FREM1: variants seen among roughly 807,000 people sequenced by gnomAD.
The protein encoded by FREM1 is FRAS1 related extracellular matrix 1.
In FREM1, 220 loss-of-function variants were observed where a neutral mutation model predicts 210.1. The ratio of observed to expected loss-of-function variants is 1.05; its 90% CI spans 0.94 to 1.17. The LOEUF (loss-of-function observed/expected upper bound fraction) is 1.17. FREM1 is among the 50% of genes most tolerant of loss of function. The pLI is 0.00. For missense variants in FREM1, 3,454 were observed against 2,675.5 expected, an observed-to-expected ratio of 1.29 and a Z score of -6.42; for synonymous variants, 1,189 against 980.2, an observed-to-expected ratio of 1.21 and a Z score of -3.98.
chr9:14,750,633 A>G (rs1843186402), intron 29 of FREM1, among the ~76,000 whole-genome samples: 1 of 152,248 alleles, frequency 6.6e-6, no homozygotes, highest in Non-Finnish European at 1.5e-5. Context: ...AAATCTTAAT[A>G]GTTTAAAAAA....
At chr9:14,837,871 T>C (rs1328154032) in intron 10 of FREM1, among the ~76,000 whole-genome samples, 2 of 152,208 alleles carry the variant, frequency 1.3e-5, no homozygotes, top group Non-Finnish European at 2.9e-5. Flanking sequence ...CATGAAAGGA[T>C]AGAGACAGGG....
intron 32 of FREM1, 67 bp downstream of exon 32, chr9:14,747,611 AAAT>A (rs1401993857): frequency 9.3e-7 from 1 of 1,072,768 alleles, no homozygotes; most frequent in Admixed American, 3.1e-5. Context: ...AAAAAATATA[AAAT>A]AATAGCTTCA....
chr9:14,850,602 A>G (rs1464752050), intron 6 of FREM1: 1 of 152,186 alleles, frequency 6.6e-6, no homozygotes, highest in Non-Finnish European at 1.5e-5. Context: ...CAGAAAAAAT[A>G]GCTAATGCAT....
At chr9:14,792,096 G>A (rs551795398) in intron 22 of FREM1, among the ~76,000 whole-genome samples, 17 of 152,090 alleles carry the variant, frequency 1.1e-4, no homozygotes, top group Non-Finnish European at 2.1e-4. Context: ...GCCCACCTTG[G>A]CCTCCCAAAG....
intron 36 of FREM1, among the ~76,000 whole-genome samples, chr9:14,738,210 G>C (rs536936331): frequency 3.9e-5 from 6 of 152,052 alleles, no homozygotes; most frequent in Non-Finnish European, 8.8e-5. Context: ...ATGTTGTAAA[G>C]CTTCTGTAAT....
chr9:14,799,745 A>T (rs77001449), intron 20 of FREM1, among the ~76,000 whole-genome samples: 4,616 of 152,192 alleles, frequency 0.03, 94 homozygotes, highest in Non-Finnish European at 0.037. Context: ...CCTAGAATGT[A>T]TTTCTTTGCA....
In FREM1 at chr9:14,812,857, A is replaced by AGAACTGATCCACTGTGACTCCAGCTCTCC. The variant is rs747398543; in HGVS notation, c.2819_2847dup (p.Ser950GlyfsTer20). 4 of 1,613,778 alleles carry AGAACTGATCCACTGTGACTCCAGCTCTCC rather than the reference A, an allele frequency of 2.5e-6. No individual in the cohort carries two copies. On this transcript the variant is annotated frameshift_variant, in exon 16 of 37. Transcript: ENST00000380880. LOFTEE classifies it high-confidence loss of function. The stretch of plus-strand genomic sequence containing the variant: ...GCCTCTGAGATAACATCTCTCTGAG[A>AGAACTGATCCACTGTGACTCCAGCTCTCC]GAACTGATCCACTGTGACTCCAGCT...
intron 7 of FREM1, among the ~76,000 whole-genome samples, chr9:14,846,570 C>T (rs1347945310): frequency 6.6e-6 from 1 of 152,056 alleles, no homozygotes; most frequent in Non-Finnish European, 1.5e-5. Context: ...TATGACATGC[C>T]AACGTGCCTG....
rs760243815 is a variant in FREM1 at position 14,824,053 on chromosome 9, G to C, written c.2141C>G (p.Thr714Arg). 2 of 1,593,090 alleles carry C rather than the reference G, an allele frequency of 1.3e-6. No homozygotes were observed. The highest frequency in any genetic ancestry group is 1.3e-5 in the African/African-American group (1 of 74,652). ...AGTGAATGACCTCAGCTCCAGGGCC[G>C]TAGGATTCTTAACTACTTTTGGTAT... Reference protein sequence around the residue: ...DSIPKVVKNPTALELRSFTQH... With the variant: ...DSIPKVVKNPRALELRSFTQH... Residue 714 changes from threonine (T) to arginine (R), a missense_variant, in exon 12 of 37, where the codon ACG becomes AGG. Coordinates refer to ENST00000380880, the MANE Select transcript of FREM1 (RefSeq NM_001379081.2).
chr9:14,739,009 CAAA>C lies in FREM1; in HGVS notation c.6340+1137_6340+1139del, dbSNP rs386414499. Among the ~76,000 whole-genome samples, 83 of 87,748 alleles carry C rather than the reference CAAA, an allele frequency of 9.5e-4. 2 individuals carry two copies. Among genetic ancestry groups the C allele is most frequent in the Middle Eastern group, 7.6e-3 (1 of 132 alleles). 57.6% of individuals were successfully genotyped at this position (87,748 alleles called of 152,430 possible). On this transcript the variant is annotated intron_variant, in intron 36 of 36. Transcript: ENST00000380880. ...TGGGTGACACAGTGAGATTCTGTCT[CAAA>C]AAAAAAAAAAAAAAAAAGATTTATT...
At chr9:14,870,775 G>T in intron 1 of FREM1, among the ~76,000 whole-genome samples, 1 of 150,392 alleles carries the variant, frequency 6.6e-6, no homozygotes, top group Non-Finnish European at 1.5e-5. Context: ...CTTAGCATTA[G>T]GTATATCTCC....
At chr9:14,759,084 A>G (rs968184905) in intron 28 of FREM1, among the ~76,000 whole-genome samples, 1 of 152,234 alleles carries the variant, frequency 6.6e-6, no homozygotes, top group Non-Finnish European at 1.5e-5. Context: ...CTTGCATACA[A>G]CATCTCTTTC....
rs115246763 is a variant in FREM1, at chr9:14,834,870, T to C, written c.1881+6577A>G. On this transcript the variant is annotated intron_variant, in intron 10 of 36. Transcript: ENST00000380880. ...GTAAAGTTATTGTAAACCACGAAGA[T>C]AAATAAAGTTCTTTGCCAGTCATGT... Among the ~76,000 whole-genome samples the C allele has an allele frequency of 5.4e-3, 794 of 147,456 alleles. 5 individuals are homozygous for C. The highest frequency in any genetic ancestry group is 0.019 in the African/African-American group (753 of 39,990).
At chr9:14,765,262 C>T (rs560960395) in intron 27 of FREM1, among the ~76,000 whole-genome samples, 2 of 152,188 alleles carry the variant, frequency 1.3e-5, no homozygotes, top group Admixed American at 1.3e-4. Context: ...TTCTCTTTTT[C>T]TCTTGATAAT....
At chr9:14,870,679 GT>G (rs1832489716) in intron 1 of FREM1, among the ~76,000 whole-genome samples, 1 of 151,438 alleles carries the variant, frequency 6.6e-6, no homozygotes, top group African/African-American at 2.4e-5. Context: ...TATACTTTAA[GT>G]TTTAGGGTAC....
At chr9:14,749,091 TC>T (rs1842919473) in intron 30 of FREM1, among the ~76,000 whole-genome samples, 1 of 152,224 alleles carries the variant, frequency 6.6e-6, no homozygotes, top group Non-Finnish European at 1.5e-5. Context: ...AAAACTTTTC[TC>T]TTAGTTGCTG....
chr9:14,894,218 T>C (rs1837322342), intron 1 of FREM1, among the ~76,000 whole-genome samples: 1 of 152,230 alleles, frequency 6.6e-6, no homozygotes, highest in Non-Finnish European at 1.5e-5. Flanking sequence ...CTGGTATGTG[T>C]TCCAAAATAA....
intron 16 of FREM1, among the ~76,000 whole-genome samples, chr9:14,809,328 A>C (rs1200111694): frequency 6.6e-6 from 1 of 152,172 alleles, no homozygotes; most frequent in African/African-American, 2.4e-5. Context: ...GCAGCCTCAA[A>C]ATGGACTAAT....
At chr9:14,839,272 A>G (rs1040363759) in intron 10 of FREM1, among the ~76,000 whole-genome samples, 1 of 152,228 alleles carries the variant, frequency 6.6e-6, no homozygotes, top group African/African-American at 2.4e-5. Context: ...CATTAGAGAA[A>G]GGAGTCAGGG....
Sources: allele counts gnomAD v4.1 joint callset (sites outside exome capture counted in the v4.1 genomes callset), GRCh38; gene constraint gnomAD v4.1.1; transcripts MANE v1.5; gene names NCBI Gene and HGNC (gene_info 2026-07-23, HGNC 2026-07-21).